SEPTIN10: variants seen among roughly 807,000 people sequenced by gnomAD.
SEPTIN10 encodes the protein septin 10.
Under a neutral mutation model 54.8 loss-of-function variants are expected in SEPTIN10, and 66 were observed. The ratio of observed to expected loss-of-function variants is 1.21; its 90% confidence interval spans 0.99 to 1.48. SEPTIN10 has a LOEUF of 1.48. SEPTIN10 is among the 40% of genes most tolerant of loss of function. The probability of loss-of-function intolerance (pLI) is 0.00; values close to 1 mark genes in which losing one functional copy is unlikely to be tolerated. For synonymous variants in SEPTIN10, 161 were observed against 181.0 expected (o/e 0.89, Z 0.89); for missense variants, 620 against 545.6 (o/e 1.14, Z -1.36).
intron 4 of SEPTIN10, among the ~76,000 whole-genome samples, chr2:109,576,269 A>AATAT (rs371279599): frequency 2.5e-4 from 38 of 150,844 alleles, no homozygotes; most frequent in Non-Finnish European, 4.3e-4. Context: ...AAATGAATTA[A>AATAT]ATATATATAT....
chr2:109,580,878 C>CT (rs1465471799), intron 4 of SEPTIN10, among the ~76,000 whole-genome samples: 2 of 152,176 alleles, frequency 1.3e-5, no homozygotes, highest in South Asian at 2.1e-4. Context: ...AGCACAGCGC[C>CT]TGGCCATTCA....
Position 109,546,250 on chromosome 2 carries a change from G to A in SEPTIN10, c.1162-13C>T, listed in dbSNP as rs574531780. The A allele has an allele frequency of 3.3e-6, 5 of 1,528,712 alleles. No individual in the cohort carries two copies. The East Asian group carries it at 1.2e-4, about 36-fold the overall frequency. The allele number at this position is 1,528,712 out of a possible 1,614,324, so 94.7% of individuals were successfully genotyped here. On this transcript the variant is annotated splice_polypyrimidine_tract_variant and intron_variant, in intron 9 of 10. Transcript: ENST00000397712. ...ATTTGGCCTGTAGCTGGAAACAAAAGTGCAATCCCCACTACTGACACAGCG... is the reference window on the plus strand; with the variant it reads ...ATTTGGCCTGTAGCTGGAAACAAAAATGCAATCCCCACTACTGACACAGCG...
chr2:109,586,503 T>C (rs1055218846), intron 2 of SEPTIN10, among the ~76,000 whole-genome samples: 1 of 152,058 alleles, frequency 6.6e-6, no homozygotes, highest in African/African-American at 2.4e-5. Flanking sequence ...CCATTGGAGA[T>C]TGGGGCAGGC....
chr2:109,589,577 C>T (rs1693461293), intron 2 of SEPTIN10, among the ~76,000 whole-genome samples: 3 of 151,862 alleles, frequency 2.0e-5, no homozygotes, highest in African/African-American at 7.3e-5. Context: ...CATTGAATAT[C>T]CAATAAAACA....
intron 5 of SEPTIN10, among the ~76,000 whole-genome samples, chr2:109,570,774 G>A (rs1284065007): frequency 6.6e-6 from 1 of 152,068 alleles, no homozygotes; most frequent in Non-Finnish European, 1.5e-5. Flanking sequence ...CACCTGCCTT[G>A]GCCTCTGAAA....
intron 6 of SEPTIN10, 95 bp downstream of exon 6, chr2:109,567,720 G>T: frequency 8.4e-7 from 1 of 1,185,034 alleles, no homozygotes. Context: ...CTTTTTGGAA[G>T]ACACAAGTGA....
intron 1 of SEPTIN10, chr2:109,613,212 T>C: frequency 1.6e-6 from 2 of 1,283,118 alleles, no homozygotes; most frequent in South Asian, 1.2e-5. Context: ...ACAAGCGAGA[T>C]AAATCTACAA....
At chr2:109,583,596 T>C (rs1218656748) in intron 4 of SEPTIN10, among the ~76,000 whole-genome samples, 2 of 152,186 alleles carry the variant, frequency 1.3e-5, no homozygotes, top group Non-Finnish European at 2.9e-5. Flanking sequence ...CTCAAAGAAC[T>C]TAAACCAGAA....
chr2:109,600,107 A>C (rs1696292379), intron 1 of SEPTIN10, among the ~76,000 whole-genome samples: 2 of 152,104 alleles, frequency 1.3e-5, no homozygotes, highest in African/African-American at 4.8e-5. Context: ...CTGGTAGTTG[A>C]AGACTGGGCA....
At chr2:109,565,074 C>T (rs6731879) in intron 7 of SEPTIN10, among the ~76,000 whole-genome samples, 12,032 of 152,144 alleles carry the variant, frequency 0.079, 639 homozygotes, top group Non-Finnish European at 0.12. Flanking sequence ...TCTATGTTTA[C>T]GGTGACCAGA....
intron 10 of SEPTIN10, chr2:109,545,104 C>T: frequency 2.0e-6 from 2 of 985,370 alleles, no homozygotes; most frequent in Non-Finnish European, 1.2e-6. Flanking sequence ...GAAATAGATG[C>T]AGTGAGAGCA....
chr2:109,609,341 T>C (rs1374808230), intron 1 of SEPTIN10, among the ~76,000 whole-genome samples: 2 of 78,980 alleles, frequency 2.5e-5, no homozygotes, highest in African/African-American at 9.4e-5. Context: ...ATACAAAGAA[T>C]AATACAGGTT....
intron 1 of SEPTIN10, among the ~76,000 whole-genome samples, chr2:109,605,869 AAAG>A (rs759799447): frequency 4.5e-4 from 68 of 152,346 alleles, no homozygotes; most frequent in Non-Finnish European, 7.2e-4. Flanking sequence ...TCCATGTCAC[AAAG>A]AAGAAGAGTT....
Position 109,585,541 on chromosome 2 carries a change from T to C in SEPTIN10, c.217+180A>G, listed in dbSNP as rs147981397. On this transcript the variant is annotated intron_variant, in intron 3 of 10. Transcript: ENST00000397712. ...TGACAACAACACTGAGATGTTTATA[T>C]AACAAGCCAAAAGCTTAAAGCTAAG... is the stretch of plus-strand genomic sequence containing the variant. Among the ~76,000 whole-genome samples, 65 of 152,276 alleles carry C rather than the reference T, an allele frequency of 4.3e-4. 2 individuals are homozygous for C. In the East Asian group the frequency reaches 0.01, roughly 24 times the overall value.
chr2:109,607,922 T>C, intron 1 of SEPTIN10, among the ~76,000 whole-genome samples: 1 of 152,168 alleles, frequency 6.6e-6, no homozygotes, highest in Non-Finnish European at 1.5e-5. Flanking sequence ...ATAAAGTAGA[T>C]TTCATGCAGT....
intron 9 of SEPTIN10, among the ~76,000 whole-genome samples, chr2:109,546,782 T>TA (rs1205343838): frequency 6.6e-6 from 1 of 152,146 alleles, no homozygotes; most frequent in Admixed American, 6.5e-5. Context: ...GATCTAGGCT[T>TA]AAAAAAATCC....
chr2:109,575,811 CA>C (rs1469506587), intron 4 of SEPTIN10, among the ~76,000 whole-genome samples: 1 of 152,146 alleles, frequency 6.6e-6, no homozygotes, highest in Non-Finnish European at 1.5e-5. Flanking sequence ...TAAATGTGTA[CA>C]AAATTAAATT....
At chr2:109,607,566 A>G (rs549339347) in intron 1 of SEPTIN10, among the ~76,000 whole-genome samples, 316 of 152,324 alleles carry the variant, frequency 2.1e-3, no homozygotes, top group Non-Finnish European at 3.6e-3. Flanking sequence ...TTAGTACTGG[A>G]TTCCTCCCAT....
rs1680689460 is a variant in SEPTIN10, at chr2:109,544,551, A to G, written c.1350-227T>C. 4 of 980,220 alleles carry G rather than the reference A, an allele frequency of 4.1e-6. No homozygotes were observed. The East Asian group carries it at 4.6e-4, about 112-fold the overall frequency. The allele number at this position is 980,220 out of a possible 1,614,324, so 60.7% of individuals were successfully genotyped here. A position where few individuals can be genotyped will look rare whatever the true frequency, so the allele number is the denominator to read the frequency against. ...TTTGCAAACAACAGCAGGGTTCTCA[A>G]GTGGAGCAGGGTGATAATTTTTACA... is the stretch of plus-strand genomic sequence containing the variant. On this transcript the variant is annotated intron_variant, in intron 10 of 10. Transcript: ENST00000397712.
Sources: gnomAD v4.1 joint callset for allele counts (sites outside exome capture counted in the v4.1 genomes callset) on GRCh38, gnomAD v4.1.1 for gene constraint, MANE v1.5 for transcripts, NCBI Gene and HGNC (gene_info 2026-07-23, HGNC 2026-07-21) for gene names.